The following CMKLR2 variants were observed in gnomAD, a reference collection of about 807,000 sequenced individuals.
CMKLR2 encodes the protein chemerin chemokine-like receptor 2, also known as chemerin-like receptor 2.
A neutral mutation model predicts 23.0 loss-of-function variants in CMKLR2; 18 were observed. The ratio of observed to expected loss-of-function variants is 0.78; its 90% CI spans 0.54 to 1.16. The LOEUF (loss-of-function observed/expected upper bound fraction) is 1.16. Ranked by LOEUF, CMKLR2 falls within the 50% of genes most tolerant of loss-of-function variation. CMKLR2 has a pLI of 0.00. For missense variants in CMKLR2, 401 were observed against 412.7 expected (o/e 0.97, Z 0.25); for synonymous variants, 158 against 158.9 (o/e 0.99, Z 0.05).
At chr2:206,189,497 T>G (rs1400688323) in intron 1 of CMKLR2, among the ~76,000 whole-genome samples, 1 of 151,850 alleles carries the variant, frequency 6.6e-6, no homozygotes, top group Non-Finnish European at 1.5e-5. Context: ...TAGGTGGGTG[T>G]GGTTGTGCGT....
chr2:206,211,152 C>G (rs1689545520), intron 1 of CMKLR2, among the ~76,000 whole-genome samples: 1 of 152,122 alleles, frequency 6.6e-6, no homozygotes, highest in Non-Finnish European at 1.5e-5. Flanking sequence ...CAGATTAACT[C>G]TGCCTTTATC....
chr2:206,191,837 ATT>A (rs774926244), intron 1 of CMKLR2, among the ~76,000 whole-genome samples: 24 of 119,202 alleles, frequency 2.0e-4, no homozygotes, highest in Admixed American at 3.7e-4. Context: ...TGCCCAACTA[ATT>A]TTTTTTTTTT....
intron 1 of CMKLR2, among the ~76,000 whole-genome samples, chr2:206,184,304 T>C (rs1395243398): frequency 6.6e-6 from 1 of 151,084 alleles, no homozygotes; most frequent in Non-Finnish European, 1.5e-5. Flanking sequence ...CTCTCTCTTT[T>C]TTTTTTTTTT....
upstream of CMKLR2, among the ~76,000 whole-genome samples, chr2:206,215,172 C>T (rs528501855): frequency 2.7e-3 from 410 of 152,236 alleles, 1 homozygote; most frequent in African/African-American, 9.2e-3. Flanking sequence ...CACACCTACC[C>T]GCAATCCCTT....
chr2:206,194,700 T>G (rs998171404), intron 1 of CMKLR2, among the ~76,000 whole-genome samples: 1 of 150,094 alleles, frequency 6.7e-6, no homozygotes, highest in Non-Finnish European at 1.5e-5. Flanking sequence ...GCTCCCAAAG[T>G]GTTGGGATTA....
At chr2:206,209,616 A>T (rs1689463935) in intron 1 of CMKLR2, among the ~76,000 whole-genome samples, 1 of 150,356 alleles carries the variant, frequency 6.7e-6, no homozygotes, top group Non-Finnish European at 1.5e-5. Flanking sequence ...CTTATAAGTG[A>T]GAACATGCCG....
Position 206,191,837 on chromosome 2 carries a change from ATTTTTT to A in CMKLR2, c.-28-14568_-28-14563del, listed in dbSNP as rs774926244. Among the ~76,000 whole-genome samples, 7 of 119,224 alleles carry A rather than the reference ATTTTTT, an allele frequency of 5.9e-5. No individual in the cohort carries two copies. In the South Asian group the frequency reaches 8.4e-4, roughly 14 times the overall value. 78.2% of individuals were successfully genotyped at this position (119,224 alleles called of 152,430 possible). A position where few individuals can be genotyped will look rare whatever the true frequency, so the allele number is the denominator to read the frequency against. On this transcript the variant is annotated intron_variant, in intron 1 of 1. Coordinates refer to ENST00000621141, the MANE Select transcript of CMKLR2 (RefSeq NM_001389445.1). ...AGGCATGTGCCACCATGCCCAACTA[ATTTTTT>A]TTTTTTTTTTTTTTTGATACAGAGT...
At chr2:206,208,058 A>G (rs887104136) in intron 1 of CMKLR2, among the ~76,000 whole-genome samples, 5 of 151,844 alleles carry the variant, frequency 3.3e-5, no homozygotes, top group South Asian at 4.2e-4. Context: ...CCTTCTTAAT[A>G]CCTGCACACA....
intron 1 of CMKLR2, among the ~76,000 whole-genome samples, chr2:206,205,790 C>T (rs1689293060): frequency 6.6e-6 from 1 of 152,004 alleles, no homozygotes; most frequent in Non-Finnish European, 1.5e-5. Context: ...ACCTCCACCT[C>T]CCAGGTTCAA....
In CMKLR2 at chr2:206,176,202, C is replaced by T. The variant is rs762576602; in HGVS notation, c.1046G>A (p.Cys349Tyr). 2 of 1,611,316 alleles carry T rather than the reference C, an allele frequency of 1.2e-6. No individual in the cohort carries two copies. The highest frequency in any genetic ancestry group is 1.7e-6 in the Non-Finnish European group (2 of 1,178,866). The change falls in exon 2 of 2, where the codon TGT (cysteine) becomes TAT (tyrosine). Residue 349 changes from cysteine (C) to tyrosine (Y), a missense_variant. Cys to Tyr is a radical substitution (Grantham distance 194, BLOSUM62 -2). Transcript: ENST00000621141. ...AACTTATTGAGCTGTTTCCAGGAGA[C>T]ACAGATTCTTGGTTTCTGAGTTCCT... ...QLRNSETKNL[C>Y]LLETAQ
upstream of CMKLR2, among the ~76,000 whole-genome samples, chr2:206,214,671 T>C (rs1182090879): frequency 6.6e-6 from 1 of 152,146 alleles, no homozygotes; most frequent in East Asian, 1.9e-4. Context: ...TTGCCCAGGA[T>C]GGAGTGCAGT....
chr2:206,190,899 C>T (rs1054020174), intron 1 of CMKLR2, among the ~76,000 whole-genome samples: 3 of 152,170 alleles, frequency 2.0e-5, no homozygotes, highest in South Asian at 2.1e-4. Flanking sequence ...CGGAAGTCAA[C>T]GCCTACTTAT....
intron 1 of CMKLR2, among the ~76,000 whole-genome samples, chr2:206,210,350 A>G (rs1374368977): frequency 6.6e-6 from 1 of 152,170 alleles, no homozygotes; most frequent in Non-Finnish European, 1.5e-5. Flanking sequence ...ATGGCTGCAC[A>G]GTATTCCATG....
At chr2:206,202,637 G>A (rs1201125988) in intron 1 of CMKLR2, among the ~76,000 whole-genome samples, 1 of 152,104 alleles carries the variant, frequency 6.6e-6, no homozygotes, top group Non-Finnish European at 1.5e-5. Flanking sequence ...ACCTGGTTAA[G>A]GCTGGATGGC....
chr2:206,208,407 GTAT>G (rs1689419127), intron 1 of CMKLR2, among the ~76,000 whole-genome samples: 1 of 152,062 alleles, frequency 6.6e-6, no homozygotes. Flanking sequence ...AGGCATGGTG[GTAT>G]ATGCCTGAGA....
chr2:206,176,636 A>G lies in CMKLR2; in HGVS notation c.612T>C (p.His204=), dbSNP rs751693950. 2.5e-6 allele frequency: 4 copies of G among 1,614,056 alleles called. No homozygotes were observed. The highest frequency in any genetic ancestry group is 1.7e-5 in the Admixed American group (1 of 60,004). Residue 204 remains histidine, a synonymous_variant, in exon 2 of 2, where the codon CAT becomes CAC. Transcript: ENST00000621141. The part of the protein sequence containing the change: ...HDPDLTLIRH[H]VLTWVKFIIG... ...TGATAAATTTCACCCAAGTCAGAAC[A>G]TGGTGCCTGATCAAAGTGAGGTCAG...
chr2:206,179,052 TC>T (rs1688319506), intron 1 of CMKLR2, among the ~76,000 whole-genome samples: 6 of 129,032 alleles, frequency 4.7e-5, no homozygotes, highest in African/African-American at 1.8e-4. Flanking sequence ...CCGCTCCCTG[TC>T]CCTTTTTTTT....
intron 1 of CMKLR2, among the ~76,000 whole-genome samples, chr2:206,192,026 G>A (rs1351073570): frequency 1.3e-5 from 2 of 151,366 alleles, no homozygotes; most frequent in Non-Finnish European, 2.9e-5. Context: ...ATTTTTTTTA[G>A]TAGAGATGGA....
intron 1 of CMKLR2, among the ~76,000 whole-genome samples, chr2:206,204,811 T>C (rs1221053281): frequency 6.6e-6 from 1 of 152,220 alleles, no homozygotes; most frequent in Non-Finnish European, 1.5e-5. Flanking sequence ...CACAAAATAA[T>C]GGTTTCCTGC....
Sources: allele counts gnomAD v4.1 joint callset (sites outside exome capture counted in the v4.1 genomes callset), GRCh38; gene constraint gnomAD v4.1.1; transcripts MANE v1.5; gene names NCBI Gene and HGNC (gene_info 2026-07-23, HGNC 2026-07-21).